VTI1A: variants seen among roughly 807,000 people sequenced by gnomAD.
VTI1A encodes vesicle transport through interaction with t-SNAREs 1A, also known as vesicle transport through interaction with t-SNAREs homolog 1A.
In VTI1A, 22 loss-of-function variants were observed where a neutral mutation model predicts 34.9. The observed-to-expected ratio is 0.63, with a 90% CI of 0.45 to 0.90. The LOEUF is 0.90. Ranked by LOEUF, VTI1A falls within the 40% of genes least tolerant of loss-of-function variation. The probability of loss-of-function intolerance (pLI) is 0.00; values close to 1 mark genes in which losing one functional copy is unlikely to be tolerated. For synonymous variants in VTI1A, 87 were observed against 97.3 expected (o/e 0.89, Z 0.62); for missense variants, 268 against 275.6 (o/e 0.97, Z 0.20).
At chr10:112,844,697 C>T in the VTI1A span, among the ~76,000 whole-genome samples, 2 of 152,274 alleles carry the variant, frequency 1.3e-5, no homozygotes, top group East Asian at 1.9e-4. Context: ...CCACGCCTGG[C>T]GTGTAATCCT....
the VTI1A span, chr10:112,832,597 A>C: frequency 1.3e-5 from 2 of 152,186 alleles, no homozygotes; most frequent in Non-Finnish European, 2.9e-5. Context: ...GAATATTTCA[A>C]AGCTGAGGCT....
chr10:112,488,597 A>G (rs932151183), intron 3 of VTI1A, among the ~76,000 whole-genome samples: 3 of 152,326 alleles, frequency 2.0e-5, no homozygotes, highest in Non-Finnish European at 4.4e-5. Context: ...ATTCAGCGTT[A>G]CTTCCAGTGT....
At chr10:112,711,199 C>T (rs552046783) in intron 7 of VTI1A, among the ~76,000 whole-genome samples, 40 of 152,332 alleles carry the variant, frequency 2.6e-4, no homozygotes, top group South Asian at 6.2e-4. Flanking sequence ...AATTATAAGG[C>T]ATATCTAGTG....
chr10:112,766,972 C>T (rs924275042), intron 7 of VTI1A, among the ~76,000 whole-genome samples: 2 of 152,182 alleles, frequency 1.3e-5, no homozygotes, highest in African/African-American at 2.4e-5. Flanking sequence ...ATAGTACATT[C>T]AGGTGTTAGT....
At chr10:112,690,534 A>G (rs1843019522) in intron 7 of VTI1A, among the ~76,000 whole-genome samples, 1 of 152,128 alleles carries the variant, frequency 6.6e-6, no homozygotes, top group Non-Finnish European at 1.5e-5. Context: ...TAGGTTTGTG[A>G]CCTGTGCCAT....
chr10:112,725,629 A>G (rs750675778), intron 7 of VTI1A, among the ~76,000 whole-genome samples: 2 of 152,236 alleles, frequency 1.3e-5, no homozygotes, highest in Non-Finnish European at 2.9e-5. Flanking sequence ...GTTTGCATTT[A>G]CTAGCTATTA....
At chr10:112,789,768 C>CTG (rs199501814) in intron 7 of VTI1A, among the ~76,000 whole-genome samples, 14 of 151,468 alleles carry the variant, frequency 9.2e-5, no homozygotes, top group Non-Finnish European at 1.6e-4. Context: ...GAGATTTCTT[C>CTG]TTTGTTGAGG....
intron 5 of VTI1A, among the ~76,000 whole-genome samples, chr10:112,658,646 C>T (rs530355263): frequency 6.6e-6 from 1 of 152,090 alleles, no homozygotes; most frequent in Admixed American, 6.5e-5. Flanking sequence ...ACATCTAATC[C>T]TACGGCAGCC....
chr10:112,478,818 G>T (rs977685634), intron 3 of VTI1A, among the ~76,000 whole-genome samples: 6 of 151,946 alleles, frequency 3.9e-5, no homozygotes, highest in Non-Finnish European at 8.8e-5. Flanking sequence ...GATTACTTTG[G>T]ATTTCCTTCC....
the VTI1A span, among the ~76,000 whole-genome samples, chr10:112,855,162 C>A: frequency 6.6e-6 from 1 of 152,126 alleles, no homozygotes; most frequent in Non-Finnish European, 1.5e-5. Context: ...GGATGGGAAG[C>A]CTACTTTGTG....
At chr10:112,814,942 T>G (rs1322314805) in intron 7 of VTI1A, among the ~76,000 whole-genome samples, 1 of 151,976 alleles carries the variant, frequency 6.6e-6, no homozygotes, top group East Asian at 1.9e-4. Flanking sequence ...CCTTTTAAAT[T>G]AGAAAGAGAA....
At chr10:112,526,952 G>T in intron 3 of VTI1A, 135 bp from the exon 4 acceptor site, 3 of 660,826 alleles carry the variant, frequency 4.5e-6, no homozygotes, top group Admixed American at 2.9e-5. Flanking sequence ...CACAACTTTG[G>T]TGTGCAGATT....
intron 7 of VTI1A, among the ~76,000 whole-genome samples, chr10:112,698,368 C>G (rs1236615968): frequency 6.6e-6 from 1 of 152,106 alleles, no homozygotes; most frequent in Non-Finnish European, 1.5e-5. Flanking sequence ...ACTGTTGCCT[C>G]CCTACATATG....
At position 112,462,847 on chromosome 10, in the gene VTI1A, A is replaced by G. The variant is rs1176266949; in HGVS notation, c.154-1700A>G. On this transcript the variant is annotated intron_variant, in intron 2 of 7. Transcript: ENST00000393077. ...GTAAACTACATGGCAGCATTTTTGC[A>G]TGTGATTTTAGCAGACATGGCCTGG... Among the ~76,000 whole-genome samples, 14 of 152,198 alleles carry G rather than the reference A, an allele frequency of 9.2e-5. No individual in the cohort carries two copies. The South Asian group carries it at 2.9e-3, about 31-fold the overall frequency.
chr10:112,471,929 T>A (rs76858831), intron 3 of VTI1A, among the ~76,000 whole-genome samples: 2 of 152,350 alleles, frequency 1.3e-5, no homozygotes, highest in Non-Finnish European at 2.9e-5. Context: ...ATAAAATGTT[T>A]GACCAAGTCT....
intron 5 of VTI1A, among the ~76,000 whole-genome samples, chr10:112,638,421 T>A (rs1439584036): frequency 1.3e-5 from 2 of 152,204 alleles, no homozygotes; most frequent in Non-Finnish European, 2.9e-5. Context: ...GCTAGAAAAT[T>A]TGTAAGCTGA....
intron 7 of VTI1A, among the ~76,000 whole-genome samples, chr10:112,742,246 G>A (rs1850719655): frequency 6.8e-6 from 1 of 147,824 alleles, no homozygotes; most frequent in East Asian, 2.0e-4. Flanking sequence ...GTTGACAAGT[G>A]GTTTGCACAG....
intron 5 of VTI1A, among the ~76,000 whole-genome samples, chr10:112,611,651 AAAAG>A: frequency 6.6e-6 from 1 of 152,184 alleles, no homozygotes; most frequent in East Asian, 1.9e-4. Context: ...ATCTAGAAAG[AAAAG>A]AAGAAGAAAA....
At chr10:112,450,655 AATTTT>A (rs1280298757) in intron 1 of VTI1A, 3 of 152,238 alleles carry the variant, frequency 2.0e-5, no homozygotes, top group Admixed American at 6.5e-5. Flanking sequence ...AACATTTAAA[AATTTT>A]ATTTTAAGAA....
Sources: gnomAD v4.1 joint callset for allele counts (sites outside exome capture counted in the v4.1 genomes callset) on GRCh38, gnomAD v4.1.1 for gene constraint, MANE v1.5 for transcripts, NCBI Gene and HGNC (gene_info 2026-07-23, HGNC 2026-07-21) for gene names.